CRYBG3: variants seen among roughly 807,000 people sequenced by gnomAD.
CRYBG3 encodes very large A-kinase anchor protein.
CRYBG3 carries 127 observed loss-of-function variants against 244.2 expected under a neutral mutation model. That is an observed-to-expected ratio of 0.52 (90% CI 0.45 to 0.60). CRYBG3 has a LOEUF of 0.60. Ranked by LOEUF, CRYBG3 falls within the 20% of genes least tolerant of loss-of-function variation. The pLI, the probability that CRYBG3 is intolerant of heterozygous loss-of-function variation, is 0.00. For missense variants in CRYBG3, 3,325 were observed against 3,442.5 expected, an observed-to-expected ratio of 0.97 and a Z score of 0.85; for synonymous variants, 1,132 against 1,195.8, an observed-to-expected ratio of 0.95 and a Z score of 1.10.
chr3:97,913,524 AT>A (rs2039896732), intron 16 of CRYBG3, among the ~76,000 whole-genome samples: 1 of 152,230 alleles, frequency 6.6e-6, no homozygotes, highest in African/African-American at 2.4e-5. Context: ...ATTTATGGAC[AT>A]TGAAATTTTA....
chr3:97,922,884 C>A (rs1479045952), intron 17 of CRYBG3, among the ~76,000 whole-genome samples: 1 of 152,070 alleles, frequency 6.6e-6, no homozygotes. Context: ...AAGACACATG[C>A]ACACATATGT....
At chr3:97,845,133 A>G (rs2038881392) in intron 2 of CRYBG3, among the ~76,000 whole-genome samples, 1 of 152,206 alleles carries the variant, frequency 6.6e-6, no homozygotes, top group Admixed American at 6.5e-5. Flanking sequence ...TTGGTAATGT[A>G]ACATAAATTT....
intron 19 of CRYBG3, among the ~76,000 whole-genome samples, chr3:97,938,931 T>A (rs1234533444): frequency 4.0e-5 from 6 of 151,854 alleles, no homozygotes; most frequent in African/African-American, 9.7e-5. Flanking sequence ...CCCACTCCTA[T>A]CATGTGGAAC....
At chr3:97,911,489 A>G (rs2039871585) in intron 15 of CRYBG3, among the ~76,000 whole-genome samples, 1 of 152,256 alleles carries the variant, frequency 6.6e-6, no homozygotes, top group African/African-American at 2.4e-5. Flanking sequence ...GTAGTTGTAT[A>G]TAACTGTAAG....
At position 97,872,029 on chromosome 3, in the gene CRYBG3, G is replaced by T. The variant is rs185301534; in HGVS notation, c.835G>T (p.Val279Leu). The change falls in exon 4 of 22, where the codon GTA (valine) becomes TTA (leucine). Residue 279 changes from valine (V) to leucine (L), a missense_variant. This residue lies in a region of CRYBG3 where 1,526 missense variants were observed against 1,443.2 expected (regional missense o/e 1.06). Coordinates refer to ENST00000389622, the MANE Select transcript of CRYBG3 (RefSeq NM_153605.4). ...CCCTGGAAGTGAGATTGAGGCTGGG[G>T]TACTGCCACTGTTGTTATCAGCTAG... is the stretch of plus-strand genomic sequence containing the variant. Reference protein sequence around the residue: ...IDPGSEIEAGVLPLLLSASTD... With the variant: ...IDPGSEIEAGLLPLLLSASTD... The T allele has an allele frequency of 8.6e-4, 1,318 of 1,535,720 alleles. 3 individuals carry two copies. The highest frequency in any genetic ancestry group is 8.2e-4 in the Non-Finnish European group (939 of 1,146,690).
Position 97,874,390 on chromosome 3 carries a change from T to TA in CRYBG3, c.3197dup (p.Tyr1066Ter). 4 of 1,533,302 alleles carry TA rather than the reference T, an allele frequency of 2.6e-6. No individual in the cohort carries two copies. The highest frequency in any genetic ancestry group is 3.5e-6 in the Non-Finnish European group (4 of 1,146,126). 95.0% of individuals were successfully genotyped at this position (1,533,302 alleles called of 1,614,324 possible). The change falls in exon 4 of 22, where the codon TAC becomes TAAC. Residue 1066 changes from tyrosine to a stop codon, truncating the protein, a stop_gained and frameshift_variant. Transcript: ENST00000389622. LOFTEE classifies it high-confidence loss of function. ...TGATAGTGTGTCATCTTCCTCTAGT[T>TA]ACCCTGAAGAAGTTAGCATGATAGT... ...GIDSVSSSSS[Y>*]PEEVSMIVNS...
intron 14 of CRYBG3, among the ~76,000 whole-genome samples, chr3:97,900,101 C>T (rs910102395): frequency 2.0e-5 from 3 of 152,170 alleles, no homozygotes; most frequent in Non-Finnish European, 4.4e-5. Flanking sequence ...GCAATCCTAG[C>T]ACTTTGGGAG....
chr3:97,893,068 C>A, intron 11 of CRYBG3, 75 bp downstream of exon 11: 2 of 1,300,910 alleles, frequency 1.5e-6, no homozygotes, highest in African/African-American at 1.6e-5. Context: ...CTAAGCAAAG[C>A]AAAAATGATT....
chr3:97,901,247 G>A (rs2039703926), intron 15 of CRYBG3, among the ~76,000 whole-genome samples: 1 of 152,134 alleles, frequency 6.6e-6, no homozygotes, highest in East Asian at 1.9e-4. Flanking sequence ...GGAAGAGGGG[G>A]TGAGAGACAT....
At chr3:97,867,153 G>A (rs951504489) in intron 3 of CRYBG3, 5 of 152,134 alleles carry the variant, frequency 3.3e-5, no homozygotes, top group Non-Finnish European at 5.9e-5. Flanking sequence ...ATTGTCTTTA[G>A]TAAACTTATA....
chr3:97,872,924 A>G lies in CRYBG3; in HGVS notation c.1730A>G (p.Lys577Arg). Residue 577 changes from lysine (K) to arginine (R), a missense_variant, in exon 4 of 22, where the codon AAA becomes AGA. Coordinates refer to ENST00000389622, the MANE Select transcript of CRYBG3 (RefSeq NM_153605.4). ...AKKLDFRSHD[K>R]IPHIRMNKKD... The stretch of plus-strand genomic sequence containing the variant: ...AAGCTTGATTTTAGGTCACATGATA[A>G]AATTCCTCATATTAGAATGAATAAA... The G allele has an allele frequency of 6.5e-7, 1 of 1,530,216 alleles. No homozygotes were observed. Among genetic ancestry groups the G allele is most frequent in the African/African-American group, 1.4e-5 (1 of 72,588 alleles). 94.8% of individuals were successfully genotyped at this position (1,530,216 alleles called of 1,614,324 possible).
In CRYBG3 at chr3:97,874,868, A is replaced by G. The variant is rs1246319227; in HGVS notation, c.3674A>G (p.Gln1225Arg). ...TTCAAACACACAGTGAGTACCTGCCAGGAGCATATAGCCATAGAAGGTATA... is the reference window on the plus strand; with the variant it reads ...TTCAAACACACAGTGAGTACCTGCCGGGAGCATATAGCCATAGAAGGTATA... Reference protein sequence around the residue: ...LKFKHTVSTCQEHIAIEGIMN... With the variant: ...LKFKHTVSTCREHIAIEGIMN... The change falls in exon 4 of 22, where the codon CAG becomes CGG. Residue 1225 changes from glutamine (Q) to arginine (R), a missense_variant. Gln to Arg is a conservative substitution (Grantham distance 43). This residue lies in a region of CRYBG3 where 1,526 missense variants were observed against 1,443.2 expected (regional missense o/e 1.06). Coordinates refer to ENST00000389622, the MANE Select transcript of CRYBG3 (RefSeq NM_153605.4). The G allele has an allele frequency of 1.3e-6, 2 of 1,535,508 alleles. No individual in the cohort carries two copies. Among genetic ancestry groups the G allele is most frequent in the Non-Finnish European group, 1.7e-6 (2 of 1,146,676 alleles).
Position 97,876,558 on chromosome 3 carries a change from C to T in CRYBG3, c.5364C>T (p.Tyr1788=). The T allele has an allele frequency of 8.1e-7, 1 of 1,232,164 alleles. No individual in the cohort carries two copies. The highest frequency in any genetic ancestry group is 1.0e-6 in the Non-Finnish European group (1 of 988,042). The allele number at this position is 1,232,164 out of a possible 1,614,324, so 76.3% of individuals were successfully genotyped here. A position where few individuals can be genotyped will look rare whatever the true frequency, so the allele number is the denominator to read the frequency against. The change falls in exon 4 of 22, where the codon TAC becomes TAT. Residue 1788 remains tyrosine, a synonymous_variant. Coordinates refer to ENST00000389622, the MANE Select transcript of CRYBG3 (RefSeq NM_153605.4). ...CTGTGTTGAAAATGGAAGCTACTTA[C>T]CGAAAGACTGCTGAAGAGGTCATTA... is the stretch of plus-strand genomic sequence containing the variant. ...EGSVLKMEAT[Y]RKTAEEVIKN...
intron 11 of CRYBG3, among the ~76,000 whole-genome samples, chr3:97,894,607 T>C (rs374085260): frequency 1.3e-5 from 2 of 152,194 alleles, no homozygotes; most frequent in African/African-American, 4.8e-5. Context: ...AAACTTAGTC[T>C]ATTAAGAAAA....
chr3:97,843,052 C>A, intron 1 of CRYBG3, 143 bp from the exon 2 acceptor site: 2 of 528,246 alleles, frequency 3.8e-6, no homozygotes, highest in Non-Finnish European at 6.7e-6. Context: ...AGATTCAAAT[C>A]AATATATCCT....
intron 15 of CRYBG3, among the ~76,000 whole-genome samples, chr3:97,908,023 G>A (rs2039799298): frequency 6.6e-6 from 1 of 152,204 alleles, no homozygotes; most frequent in Non-Finnish European, 1.5e-5. Context: ...TCATTCAGGA[G>A]CAGGTTGTTC....
In CRYBG3 at chr3:97,881,117, G is replaced by A; in HGVS notation, c.7050G>A (p.Val2350=). 1.2e-6 allele frequency: 2 copies of A among 1,610,718 alleles called. No individual in the cohort carries two copies. The highest frequency in any genetic ancestry group is 2.2e-5 in the South Asian group (2 of 90,276). Residue 2350 remains valine, a synonymous_variant, in exon 7 of 22, where the codon GTG becomes GTA. Coordinates refer to ENST00000389622, the MANE Select transcript of CRYBG3 (RefSeq NM_153605.4). ...EKPHFRGQKC[V]LEEGEKVLNR... ...CACATTTCCGAGGTCAGAAATGTGT[G>A]CTAGAAGAAGGGGAAAAGGTGTTAA...
At chr3:97,889,280 T>C (rs1338389895) in intron 9 of CRYBG3, 75 bp from the exon 10 acceptor site, 2 of 1,121,514 alleles carry the variant, frequency 1.8e-6, no homozygotes, top group African/African-American at 1.5e-5. Context: ...AACCTACATA[T>C]ATCACTTTCA....
intron 15 of CRYBG3, among the ~76,000 whole-genome samples, chr3:97,903,931 G>A (rs532423888): frequency 2.6e-5 from 4 of 152,146 alleles, no homozygotes; most frequent in South Asian, 4.1e-4. Context: ...GGATTGAGCC[G>A]TACCAACATG....
Sources: gnomAD v4.1 joint callset for allele counts (sites outside exome capture counted in the v4.1 genomes callset) on GRCh38, gnomAD v4.1.1 for gene constraint, gnomAD v4.1.1 regional missense constraint, MANE v1.5 for transcripts, NCBI Gene and HGNC (gene_info 2026-07-23, HGNC 2026-07-21) for gene names.